RANBP9: variants seen among roughly 807,000 people sequenced by gnomAD.
RANBP9 encodes the protein RAN binding protein 9.
In RANBP9, 15 loss-of-function variants were observed where a neutral mutation model predicts 84.3. That is an observed-to-expected ratio of 0.18 (90% CI 0.12 to 0.27). The LOEUF is 0.27. Ranked by LOEUF, RANBP9 falls within the 10% of genes least tolerant of loss-of-function variation. The pLI is 1.00. For missense variants in RANBP9, 809 were observed against 912.8 expected (o/e 0.89, Z 1.46); for synonymous variants, 392 against 349.6 (o/e 1.12, Z -1.35).
intron 8 of RANBP9, 108 bp from the exon 9 acceptor site, chr6:13,639,861 T>C: frequency 3.1e-6 from 3 of 962,024 alleles, no homozygotes; most frequent in Non-Finnish European, 4.5e-6. Flanking sequence ...ATCAGTAGGA[T>C]TGGTCTTTAG....
rs1206016733 is a variant in RANBP9 at position 13,711,307 on chromosome 6, G to C, written c.199C>G (p.Leu67Val). 1.9e-6 allele frequency: 2 copies of C among 1,050,708 alleles called. No homozygotes were observed. Among genetic ancestry groups the C allele is most frequent in the Non-Finnish European group, 2.3e-6 (2 of 874,204 alleles). 65.1% of individuals were successfully genotyped at this position (1,050,708 alleles called of 1,614,324 possible). A position where few individuals can be genotyped will look rare whatever the true frequency, so the allele number is the denominator to read the frequency against. The change falls in exon 1 of 14, where the codon CTG becomes GTG. Residue 67 changes from leucine to valine, a missense_variant. Physicochemically the swap from Leu to Val is conservative, Grantham distance 32. Coordinates refer to ENST00000011619, the MANE Select transcript of RANBP9 (RefSeq NM_005493.3). Reference protein sequence around the residue: ...GEGLGAAAAALLLHPPPPPPP... With the variant: ...GEGLGAAAAAVLLHPPPPPPP... ...GGCGGCGGCGGAGGGTGGAGGAGCA[G>C]GGCGGCCGCCGCGGCCCCTAAGCCT...
chr6:13,671,338 TG>T (rs1300334205), intron 2 of RANBP9, among the ~76,000 whole-genome samples: 4 of 152,196 alleles, frequency 2.6e-5, no homozygotes, highest in Admixed American at 6.5e-5. Context: ...AGCCATACTA[TG>T]TTACACAATT....
chr6:13,626,848 A>G (rs1465796519), intron 12 of RANBP9, among the ~76,000 whole-genome samples: 1 of 152,236 alleles, frequency 6.6e-6, no homozygotes, highest in Non-Finnish European at 1.5e-5. Flanking sequence ...TAGTGTTATG[A>G]AAGCAGAGGT....
In RANBP9 at chr6:13,648,141, G is replaced by GTTTTTTTTTT. The variant is rs375219477; in HGVS notation, c.928-3422_928-3413dup. ...CAAAATATGTGATCTTATATGACTG[G>GTTTTTTTTTT]TTTTTTTTTTTTTTTTTTTTTTTTT... On this transcript the variant is annotated intron_variant, in intron 5 of 13. Coordinates refer to ENST00000011619, the MANE Select transcript of RANBP9 (RefSeq NM_005493.3). 1.2e-3 allele frequency among the ~76,000 whole-genome samples: 96 copies of GTTTTTTTTTT among 80,672 alleles called. 3 individuals carry two copies. The highest frequency in any genetic ancestry group is 3.3e-3 in the South Asian group (6 of 1,844). 52.9% of individuals were successfully genotyped at this position (80,672 alleles called of 152,430 possible).
intron 4 of RANBP9, among the ~76,000 whole-genome samples, chr6:13,654,394 C>T (rs1219918114): frequency 6.6e-6 from 1 of 152,170 alleles, no homozygotes; most frequent in Admixed American, 6.5e-5. Flanking sequence ...AACCTATATA[C>T]TGCAAAGTTT....
intron 2 of RANBP9, among the ~76,000 whole-genome samples, chr6:13,676,678 G>C (rs1033967608): frequency 2.6e-5 from 4 of 151,428 alleles, no homozygotes; most frequent in African/African-American, 9.7e-5. Flanking sequence ...AGACTAAGTG[G>C]GATTTATCCC....
intron 7 of RANBP9, 108 bp from the exon 8 acceptor site, chr6:13,641,415 A>C: frequency 1.6e-6 from 1 of 641,082 alleles, no homozygotes; most frequent in South Asian, 2.1e-5. Context: ...ATAAATTATG[A>C]TTAATTTCAA....
intron 6 of RANBP9, among the ~76,000 whole-genome samples, chr6:13,643,630 G>A (rs1162922174): frequency 6.6e-6 from 1 of 152,072 alleles, no homozygotes; most frequent in Non-Finnish European, 1.5e-5. Context: ...AAGGATCCTG[G>A]TTATAAGGTT....
rs534149020 is a variant in RANBP9 at position 13,675,182 on chromosome 6, ATAG to A, written c.684-16353_684-16351del. 5.2e-4 allele frequency among the ~76,000 whole-genome samples: 79 copies of A among 152,362 alleles called. 1 individual carries two copies. Among genetic ancestry groups the A allele is most frequent in the African/African-American group, 1.7e-3 (72 of 41,586 alleles). On this transcript the variant is annotated intron_variant, in intron 2 of 13. Coordinates refer to ENST00000011619, the MANE Select transcript of RANBP9 (RefSeq NM_005493.3). ...CATCAACTGGATTTCATTGACATTT[ATAG>A]TATACTTTATCCAATAACCGCATAA...
chr6:13,627,890 T>C (rs1278419735), intron 12 of RANBP9, among the ~76,000 whole-genome samples: 1 of 151,826 alleles, frequency 6.6e-6, no homozygotes, highest in Non-Finnish European at 1.5e-5. Context: ...AAGACTACAC[T>C]GTCTAGTGCA....
Position 13,711,785 on chromosome 6 carries a change from G to A in RANBP9, c.-280C>T, listed in dbSNP as rs1284544090. ...GGGCGGGGGCGACGCGGGAGCGCGG[G>A]AGGGGAAGGCGCGCTGGCGGCCGCC... is the stretch of plus-strand genomic sequence containing the variant. On this transcript the variant is annotated 5_prime_UTR_variant, in exon 1 of 14. Coordinates refer to ENST00000011619, the MANE Select transcript of RANBP9 (RefSeq NM_005493.3). Among the ~76,000 whole-genome samples, 3 of 146,876 alleles carry A rather than the reference G, an allele frequency of 2.0e-5. No homozygotes were observed. The highest frequency in any genetic ancestry group is 6.7e-5 in the Admixed American group (1 of 14,820).
chr6:13,684,198 G>A (rs886179292), intron 2 of RANBP9, among the ~76,000 whole-genome samples: 1 of 152,116 alleles, frequency 6.6e-6, no homozygotes. Flanking sequence ...CATGGATATA[G>A]CAGTAAACAA....
chr6:13,638,869 G>A (rs375718681), intron 9 of RANBP9, among the ~76,000 whole-genome samples: 9 of 152,086 alleles, frequency 5.9e-5, no homozygotes, highest in Non-Finnish European at 1.0e-4. Context: ...TGGGGGGAGA[G>A]GAGGGAGGCA....
intron 2 of RANBP9, among the ~76,000 whole-genome samples, chr6:13,674,739 A>AC (rs1562313944): frequency 1.2e-4 from 19 of 152,304 alleles, no homozygotes; most frequent in Admixed American, 3.3e-4. Flanking sequence ...CCCAATACAT[A>AC]TTAAGGGCTG....
chr6:13,657,825 TCTTTCAAGTATAATTTTAAGCAAAA>T (rs1462949627), intron 3 of RANBP9, among the ~76,000 whole-genome samples: 1 of 152,152 alleles, frequency 6.6e-6, no homozygotes, highest in East Asian at 1.9e-4. Flanking sequence ...AATTAAACCC[TCTTTCAAGTATAATTTTAAGCAAAA>T]GGGTACAAAA....
chr6:13,652,986 C>CTT (rs1765327612), intron 4 of RANBP9, among the ~76,000 whole-genome samples: 1 of 152,088 alleles, frequency 6.6e-6, no homozygotes, highest in African/African-American at 2.4e-5. Flanking sequence ...CATTAGAAAA[C>CTT]ACATTAAGAA....
intron 2 of RANBP9, among the ~76,000 whole-genome samples, chr6:13,668,985 C>A (rs1187874751): frequency 2.6e-5 from 4 of 151,970 alleles, no homozygotes; most frequent in Non-Finnish European, 5.9e-5. Context: ...ATAGAAAATC[C>A]TAAAGAATCT....
chr6:13,628,865 TA>T (rs1562295833), intron 12 of RANBP9, among the ~76,000 whole-genome samples: 1 of 152,254 alleles, frequency 6.6e-6, no homozygotes, highest in East Asian at 1.9e-4. Flanking sequence ...ATTCCTTCAT[TA>T]CTGCTGGTAA....
In RANBP9 at chr6:13,704,945, A is replaced by G. The variant is rs139471580; in HGVS notation, c.571+5990T>C. Among the ~76,000 whole-genome samples the G allele has an allele frequency of 3.3e-3, 500 of 152,120 alleles. 8 individuals are homozygous for G. The highest frequency in any genetic ancestry group is 0.011 in the African/African-American group (465 of 41,482). The stretch of plus-strand genomic sequence containing the variant: ...CAGTACTCTCTATAATATTTCCCTT[A>G]CTACTCTATTTTATGTCCTCTGAGC... On this transcript the variant is annotated intron_variant, in intron 1 of 13. Coordinates refer to ENST00000011619, the MANE Select transcript of RANBP9 (RefSeq NM_005493.3).
Sources: gnomAD v4.1 joint callset for allele counts (sites outside exome capture counted in the v4.1 genomes callset) on GRCh38, gnomAD v4.1.1 for gene constraint, MANE v1.5 for transcripts, NCBI Gene and HGNC (gene_info 2026-07-23, HGNC 2026-07-21) for gene names.